The following CSMD1 variants were observed in gnomAD, a reference collection of about 807,000 sequenced individuals.
The protein encoded by CSMD1 is CUB and Sushi multiple domains 1, also known as CUB and sushi domain-containing protein 1.
A neutral mutation model predicts 417.5 loss-of-function variants in CSMD1; 213 were observed. That is an observed-to-expected ratio of 0.51 (90% CI 0.46 to 0.57). The LOEUF is 0.57. Among genes scored for constraint, CSMD1 ranks in the 20% least tolerant of loss-of-function variants. The probability of loss-of-function intolerance (pLI) is 0.00; values close to 1 mark genes in which losing one functional copy is unlikely to be tolerated. For synonymous variants in CSMD1, 2,862 were observed against 1,736.8 expected (o/e 1.65, Z -16.11); for missense variants, 6,923 against 4,529.7 (o/e 1.53, Z -15.17).
intron 6 of CSMD1, among the ~76,000 whole-genome samples, chr8:3,744,669 G>T (rs948595412): frequency 3.9e-5 from 6 of 152,168 alleles, no homozygotes; most frequent in Non-Finnish European, 1.5e-5. Flanking sequence ...TACAAGCGAT[G>T]CCTACAGACA....
chr8:3,155,823 T>C (rs1819494999), intron 39 of CSMD1, among the ~76,000 whole-genome samples: 1 of 152,186 alleles, frequency 6.6e-6, no homozygotes, highest in Non-Finnish European at 1.5e-5. Context: ...GTAGTGAACA[T>C]AACATAAACA....
intron 12 of CSMD1, among the ~76,000 whole-genome samples, chr8:3,434,907 G>C (rs1045325706): frequency 2.6e-5 from 4 of 152,208 alleles, no homozygotes; most frequent in East Asian, 1.9e-4. Context: ...CTTGTGATTG[G>C]TTTAAGTCAA....
At chr8:3,646,474 A>G (rs1185684604) in intron 7 of CSMD1, among the ~76,000 whole-genome samples, 1 of 152,230 alleles carries the variant, frequency 6.6e-6, no homozygotes, top group Non-Finnish European at 1.5e-5. Flanking sequence ...CTATTATAAT[A>G]ATCATTTCCT....
chr8:4,729,345 A>G (rs953210270), intron 1 of CSMD1, among the ~76,000 whole-genome samples: 2 of 152,236 alleles, frequency 1.3e-5, no homozygotes, highest in African/African-American at 4.8e-5. Flanking sequence ...AATTCTGAAG[A>G]CAGTAACTGA....
At chr8:4,441,915 A>G (rs1401953926) in intron 2 of CSMD1, among the ~76,000 whole-genome samples, 5 of 152,208 alleles carry the variant, frequency 3.3e-5, no homozygotes, top group African/African-American at 9.6e-5. Flanking sequence ...TCCTTTATAA[A>G]TCTTATCAGC....
chr8:4,726,043 G>A (rs951382964), intron 1 of CSMD1, among the ~76,000 whole-genome samples: 2 of 152,278 alleles, frequency 1.3e-5, no homozygotes, highest in South Asian at 2.1e-4. Context: ...CACGGTGTGA[G>A]TTCACATCGT....
At chr8:4,835,903 G>A (rs1347115664) in intron 1 of CSMD1, among the ~76,000 whole-genome samples, 2 of 151,842 alleles carry the variant, frequency 1.3e-5, no homozygotes, top group Admixed American at 6.6e-5. Context: ...TCTCTTTTTG[G>A]AAATGTAAGT....
intron 69 of CSMD1, among the ~76,000 whole-genome samples, chr8:2,941,829 T>C (rs1015361796): frequency 6.6e-6 from 1 of 152,222 alleles, no homozygotes; most frequent in Non-Finnish European, 1.5e-5. Context: ...AAAGTGGCCA[T>C]AGAGAACATT....
At chr8:4,105,574 G>A (rs867088299) in intron 3 of CSMD1, among the ~76,000 whole-genome samples, 1 of 152,136 alleles carries the variant, frequency 6.6e-6, no homozygotes, top group Non-Finnish European at 1.5e-5. Flanking sequence ...CAAATTCATT[G>A]TCTATGAGTA....
At chr8:4,603,733 A>T (rs1341523109) in intron 2 of CSMD1, among the ~76,000 whole-genome samples, 1 of 152,184 alleles carries the variant, frequency 6.6e-6, no homozygotes, top group East Asian at 1.9e-4. Context: ...TAATGAAAAA[A>T]TATTGTTAGA....
At chr8:3,975,419 A>G (rs1335497359) in intron 5 of CSMD1, among the ~76,000 whole-genome samples, 1 of 152,118 alleles carries the variant, frequency 6.6e-6, no homozygotes, top group East Asian at 1.9e-4. Flanking sequence ...CTAGATGATA[A>G]CCATTTACAA....
intron 2 of CSMD1, among the ~76,000 whole-genome samples, chr8:4,633,734 A>G (rs536235281): frequency 1.1e-4 from 16 of 151,410 alleles, no homozygotes; most frequent in African/African-American, 3.2e-4. Context: ...TTTTTTTTGT[A>G]CTTTTAGTGG....
chr8:4,569,385 A>T (rs957940462), intron 2 of CSMD1, among the ~76,000 whole-genome samples: 3 of 152,202 alleles, frequency 2.0e-5, no homozygotes, highest in Admixed American at 6.5e-5. Context: ...TCCCAACACC[A>T]TGTATTAAAT....
At chr8:3,931,917 G>A (rs1013148106) in intron 5 of CSMD1, among the ~76,000 whole-genome samples, 3 of 146,338 alleles carry the variant, frequency 2.1e-5, no homozygotes, top group Non-Finnish European at 3.0e-5. Flanking sequence ...AAAAAAAAAA[G>A]ATCACAGAAC....
At chr8:4,515,029 G>T (rs2130364270) in intron 2 of CSMD1, among the ~76,000 whole-genome samples, 3 of 152,220 alleles carry the variant, frequency 2.0e-5, no homozygotes, top group Middle Eastern at 6.8e-3. Flanking sequence ...CTCAAAAGAA[G>T]AAGCACTTTC....
chr8:4,001,025 T>A (rs899615261), intron 4 of CSMD1, among the ~76,000 whole-genome samples: 2 of 146,506 alleles, frequency 1.4e-5, no homozygotes, highest in African/African-American at 5.1e-5. Context: ...AAATCCCCCC[T>A]TTCAATGTTT....
intron 12 of CSMD1, among the ~76,000 whole-genome samples, chr8:3,457,712 A>G (rs879335556): frequency 2.6e-5 from 4 of 152,256 alleles, no homozygotes; most frequent in Admixed American, 2.6e-4. Context: ...AAAAACTCGT[A>G]AAGGAAACAG....
At chr8:3,644,609 T>A (rs953264478) in intron 7 of CSMD1, among the ~76,000 whole-genome samples, 1 of 151,938 alleles carries the variant, frequency 6.6e-6, no homozygotes, top group African/African-American at 2.4e-5. Flanking sequence ...ATGAACGGGA[T>A]AAGAGATGGC....
chr8:3,693,941 C>T (rs1585086928), intron 7 of CSMD1, among the ~76,000 whole-genome samples: 1 of 145,734 alleles, frequency 6.9e-6, no homozygotes, highest in Non-Finnish European at 1.5e-5. Flanking sequence ...GTGTGTGCGT[C>T]GTGTGTTGGA....
Sources: allele counts gnomAD v4.1 joint callset (sites outside exome capture counted in the v4.1 genomes callset), GRCh38; gene constraint gnomAD v4.1.1; transcripts MANE v1.5; gene names NCBI Gene and HGNC (gene_info 2026-07-23, HGNC 2026-07-21).